NTRK1: variants seen among roughly 807,000 people sequenced by gnomAD.
NTRK1 encodes neurotrophic receptor tyrosine kinase 1.
A neutral mutation model predicts 86.8 loss-of-function variants in NTRK1; 62 were observed. The ratio of observed to expected loss-of-function variants is 0.71; its 90% CI spans 0.58 to 0.88. NTRK1 has a LOEUF of 0.88. Among genes scored for constraint, NTRK1 ranks in the 40% least tolerant of loss-of-function variants. The probability of loss-of-function intolerance (pLI) is 0.00; values close to 1 mark genes in which losing one functional copy is unlikely to be tolerated. For missense variants in NTRK1, 967 were observed against 1,078.4 expected, an observed-to-expected ratio of 0.90 and a Z score of 1.45; for synonymous variants, 469 against 456.6, an observed-to-expected ratio of 1.03 and a Z score of -0.35.
At chr1:156,841,100 C>A in intron 1 of NTRK1, 1 of 1,557,986 alleles carries the variant, frequency 6.4e-7, no homozygotes. Context: ...CTCATCAGCT[C>A]CTGCCTGGTG....
In NTRK1 at chr1:156,879,147, C is replaced by G. The variant is rs1438017408; in HGVS notation, c.1831C>G (p.Leu611Val). Residue 611 changes from leucine (L) to valine (V), a missense_variant, in exon 15 of 17, where the codon CTG becomes GTG. This residue lies in a region of NTRK1 where 637 missense variants were observed against 776.5 expected (regional missense o/e 0.82). Coordinates refer to ENST00000524377, the MANE Select transcript of NTRK1 (RefSeq NM_002529.4). ...ATCCCATGGACCTGATGCCAAGCTG[C>G]TGGCTGGTGGGGAGGATGTGGCTCC... ...LRSHGPDAKLLAGGEDVAPGP... is the reference protein window; with the variant it reads ...LRSHGPDAKLVAGGEDVAPGP... 6.2e-7 allele frequency: 1 copy of G among 1,613,974 alleles called. No individual in the cohort carries two copies. The highest frequency in any genetic ancestry group is 1.7e-5 in the Admixed American group (1 of 60,020).
intron 2 of NTRK1, chr1:156,843,491 G>A (rs768936128): frequency 5.0e-6 from 8 of 1,614,126 alleles, no homozygotes; most frequent in African/African-American, 1.3e-5. Context: ...TGCAACGGGA[G>A]GTGAGGGGGT....
intron 7 of NTRK1, among the ~76,000 whole-genome samples, chr1:156,872,967 G>A (rs1205826691): frequency 6.6e-6 from 1 of 151,492 alleles, no homozygotes; most frequent in Non-Finnish European, 1.5e-5. Flanking sequence ...GTGAGCCACC[G>A]CGCCTGGCCC....
chr1:156,876,414 G>A lies in NTRK1; in HGVS notation c.1647G>A (p.Ala549=), dbSNP rs771010259. The part of the protein sequence containing the change: ...MLVAVKALKE[A]SESARQDFQR... Reference sequence around the variant, plus strand: ...CTTCCATCCAGGCACTGAAGGAGGCGTCCGAGAGTGCTCGGCAGGACTTCC... The same window carrying A: ...CTTCCATCCAGGCACTGAAGGAGGCATCCGAGAGTGCTCGGCAGGACTTCC... Residue 549 remains alanine (A), a synonymous_variant, in exon 14 of 17, where the codon GCG becomes GCA. Coordinates refer to ENST00000524377, the MANE Select transcript of NTRK1 (RefSeq NM_002529.4). The A allele has an allele frequency of 2.4e-5, 39 of 1,613,698 alleles. No individual in the cohort carries two copies. Among genetic ancestry groups the A allele is most frequent in the Admixed American group, 1.8e-4 (11 of 60,002 alleles).
chr1:156,849,916 CT>C (rs56654147), intron 2 of NTRK1, among the ~76,000 whole-genome samples: 2,793 of 146,104 alleles, frequency 0.019, 85 homozygotes, highest in African/African-American at 0.062. Context: ...TAGATGGTAA[CT>C]TTTTTTTTTT....
At position 156,874,919 on chromosome 1, in the gene NTRK1, T is replaced by C. The variant is rs2102911940; in HGVS notation, c.1265T>C (p.Val422Ala). Residue 422 changes from valine (V) to alanine (A), a missense_variant, in exon 11 of 17, where the codon GTG (valine) becomes GCG (alanine). By Grantham distance (64) the Val-to-Ala change is moderately conservative. Around this residue, in one of 2 missense-constraint regions of NTRK1, gnomAD observed 637 missense variants for 776.5 expected, o/e 0.82. Coordinates refer to ENST00000524377, the MANE Select transcript of NTRK1 (RefSeq NM_002529.4). ...GTCCCCCACCAGGTCTCGGTGGCTG[T>C]GGGCCTGGCCGTCTTTGCCTGCCTC... ...DETPFGVSVA[V>A]GLAVFACLFL... 6.2e-7 allele frequency: 1 copy of C among 1,610,798 alleles called. No homozygotes were observed. The highest frequency in any genetic ancestry group is 8.5e-7 in the Non-Finnish European group (1 of 1,178,178).
At chr1:156,843,738 T>C (rs1399649606) in intron 2 of NTRK1, among the ~76,000 whole-genome samples, 1 of 152,220 alleles carries the variant, frequency 6.6e-6, no homozygotes, top group East Asian at 1.9e-4. Context: ...GCCAAGCTGA[T>C]CGAGGTCCAG....
At chr1:156,846,876 A>G in intron 2 of NTRK1, 1 of 805,030 alleles carries the variant, frequency 1.2e-6, no homozygotes, top group Non-Finnish European at 2.1e-6. Context: ...GGGCAAAGCC[A>G]TGACTCCAGC....
intron 2 of NTRK1, among the ~76,000 whole-genome samples, chr1:156,855,413 C>T (rs1422401926): frequency 6.6e-6 from 1 of 152,164 alleles, no homozygotes; most frequent in Non-Finnish European, 1.5e-5. Flanking sequence ...CCATGGTGGC[C>T]AGGCTGGTCT....
At chr1:156,825,560 C>T (rs891133082) in intron 1 of NTRK1, among the ~76,000 whole-genome samples, 15 of 152,100 alleles carry the variant, frequency 9.9e-5, no homozygotes, top group African/African-American at 3.6e-4. Flanking sequence ...TACCATCCTG[C>T]CCTTTGTGTC....
intron 1 of NTRK1, among the ~76,000 whole-genome samples, chr1:156,818,785 C>CGT (rs1288119770): frequency 6.6e-6 from 1 of 152,152 alleles, no homozygotes; most frequent in Non-Finnish European, 1.5e-5. Context: ...TATAAACATG[C>CGT]GTGTGCATGT....
upstream of NTRK1, among the ~76,000 whole-genome samples, chr1:156,859,489 C>T (rs1332230605): frequency 6.6e-6 from 1 of 152,164 alleles, no homozygotes; most frequent in Admixed American, 6.5e-5. The surrounding 1 kb of genome is among the most constrained non-coding windows in gnomAD (Gnocchi z 6.2). Context: ...TAACTTCTGG[C>T]AGCCTCGACC....
At chr1:156,846,238 T>C in intron 2 of NTRK1, 1 of 1,093,908 alleles carries the variant, frequency 9.1e-7, no homozygotes, top group Non-Finnish European at 1.3e-6. Flanking sequence ...TAGGTGATCC[T>C]CACCCCTGGC....
intron 1 of NTRK1, chr1:156,816,792 T>G: frequency 3.1e-6 from 4 of 1,300,018 alleles, no homozygotes; most frequent in Non-Finnish European, 3.1e-6. Flanking sequence ...TCATCATCTC[T>G]CCTCTCACCC....
At chr1:156,880,542 TAG>T (rs777071786) in intron 16 of NTRK1, 1 of 248,138 alleles carries the variant, frequency 4.0e-6, no homozygotes, top group Non-Finnish European at 8.0e-6. Flanking sequence ...GGCTGGAGGT[TAG>T]ACTGTCAGAA....
At position 156,845,154 on chromosome 1, in the gene NTRK1, T is replaced by A; in HGVS notation, c.50+2961T>A. On this transcript the variant is annotated intron_variant, in intron 2 of 16. Transcript: ENST00000392302. ...TGCGCCGCGTGGTTGCAGGCATGGA[T>A]GTCGATCCGGTATTCCGTGAAGTGG... The A allele has an allele frequency of 1.9e-6, 3 of 1,611,824 alleles. No individual in the cohort carries two copies. In the Admixed American group the frequency reaches 5.0e-5, roughly 27 times the overall value.
chr1:156,860,759 T>A, upstream of NTRK1: 2 of 1,192,586 alleles, frequency 1.7e-6, no homozygotes, highest in Non-Finnish European at 2.2e-6. Context: ...CGTCAGAGAG[T>A]AGGAAGCGGG....
intron 1 of NTRK1, chr1:156,841,091 T>G (rs1654762860): frequency 6.4e-7 from 1 of 1,561,872 alleles, no homozygotes; most frequent in Non-Finnish European, 8.7e-7. Context: ...CAGCAGCGGC[T>G]CATCAGCTCC....
At chr1:156,844,786 A>G in intron 2 of NTRK1, 1 of 1,614,076 alleles carries the variant, frequency 6.2e-7, no homozygotes, top group Non-Finnish European at 8.5e-7. Flanking sequence ...GCGCAGAAGG[A>G]CACTGTTCTT....
Sources: gnomAD v4.1 joint callset for allele counts (sites outside exome capture counted in the v4.1 genomes callset) on GRCh38, gnomAD v4.1.1 for gene constraint, gnomAD v4.1.1 regional missense constraint, Gnocchi (gnomAD v3.1) non-coding constraint, MANE v1.5 for transcripts, NCBI Gene and HGNC (gene_info 2026-07-23, HGNC 2026-07-21) for gene names.